Variants in AGAP1 observed in about 807,000 individuals in gnomAD.
The protein encoded by AGAP1 is ArfGAP with GTPase domain, ankyrin repeat and PH domain 1, also known as arf-GAP with GTPase, ANK repeat and PH domain-containing protein 1.
Under a neutral mutation model 105.3 loss-of-function variants are expected in AGAP1, and 29 were observed. The observed-to-expected ratio is 0.28, with a 90% CI of 0.21 to 0.38. The LOEUF (loss-of-function observed/expected upper bound fraction) is 0.38. Ranked by LOEUF, AGAP1 falls within the 10% of genes least tolerant of loss-of-function variation. The pLI is 1.00. For synonymous variants in AGAP1, 509 were observed against 485.9 expected (o/e 1.05, Z -0.63); for missense variants, 998 against 1,165.1 (o/e 0.86, Z 2.09).
At chr2:235,912,320 A>G (rs1285264049) in intron 11 of AGAP1, among the ~76,000 whole-genome samples, 1 of 152,210 alleles carries the variant, frequency 6.6e-6, no homozygotes, top group Non-Finnish European at 1.5e-5. Flanking sequence ...AGGAATTCCA[A>G]CACAGCAAAT....
chr2:235,699,395 A>T (rs1478463165), intron 1 of AGAP1, among the ~76,000 whole-genome samples: 1 of 95,700 alleles, frequency 1.0e-5, no homozygotes, highest in Non-Finnish European at 2.1e-5. Context: ...AGCAGGGGAA[A>T]TTGGGGCTGA....
intron 1 of AGAP1, among the ~76,000 whole-genome samples, chr2:235,638,736 A>G (rs1296246966): frequency 6.6e-6 from 1 of 152,204 alleles, no homozygotes; most frequent in African/African-American, 2.4e-5. Context: ...CTGGCTTGCC[A>G]GTGGAGAACA....
chr2:235,752,075 G>A lies in AGAP1; in HGVS notation c.673+1587G>A, dbSNP rs907184494. On this transcript the variant is annotated intron_variant, in intron 6 of 17. Coordinates refer to ENST00000304032, the MANE Select transcript of AGAP1 (RefSeq NM_001037131.3). The surrounding 1 kb of genome is among the most constrained non-coding windows in gnomAD (Gnocchi z 4.3). ...ACCCTAATGGAGCAAGGTCACTGTC[G>A]GCCGCTGCGCTGCCGAGGCCCCTGT... 9.2e-5 allele frequency among the ~76,000 whole-genome samples: 14 copies of A among 152,208 alleles called. No homozygotes were observed. Among genetic ancestry groups the A allele is most frequent in the Admixed American group, 6.5e-4 (10 of 15,288 alleles).
Position 235,663,942 on chromosome 2 carries a change from T to G in AGAP1, c.164-45237T>G, listed in dbSNP as rs1332264737. Among the ~76,000 whole-genome samples the G allele has an allele frequency of 6.6e-6, 1 of 152,152 alleles. No individual in the cohort carries two copies. The highest frequency in any genetic ancestry group is 1.5e-5 in the Non-Finnish European group (1 of 68,016). On this transcript the variant is annotated intron_variant, in intron 1 of 17. Coordinates refer to ENST00000304032, the MANE Select transcript of AGAP1 (RefSeq NM_001037131.3). The surrounding 1 kb of genome is among the most constrained non-coding windows in gnomAD (Gnocchi z 5.4). ...ATGTGTAGGGATTTCTTGGTTTTTC[T>G]GCACAAAAGCTCCAGGGCTGCTTTG... is the stretch of plus-strand genomic sequence containing the variant.
intron 9 of AGAP1, among the ~76,000 whole-genome samples, chr2:235,841,938 G>A (rs750647876): frequency 2.0e-5 from 3 of 152,132 alleles, no homozygotes; most frequent in Non-Finnish European, 2.9e-5. Flanking sequence ...TTCCCTACAC[G>A]CTCATTAGTG....
chr2:236,044,439 C>A lies in AGAP1; in HGVS notation c.1891+3598C>A, dbSNP rs1189821021. 6.6e-6 allele frequency among the ~76,000 whole-genome samples: 1 copy of A among 152,172 alleles called. No individual in the cohort carries two copies. ...ACCGTTTCTGCTGCTTTCTCTCTGC[C>A]CATCCATGTCGCCCATGAAGCCCTG... On this transcript the variant is annotated intron_variant, in intron 15 of 17. Transcript: ENST00000304032. The surrounding 1 kb of genome is among the most constrained non-coding windows in gnomAD (Gnocchi z 5.7).
intron 12 of AGAP1, among the ~76,000 whole-genome samples, chr2:235,950,222 G>C (rs75916793): frequency 0.023 from 3,546 of 152,268 alleles, 150 homozygotes; most frequent in African/African-American, 0.081. Context: ...CAGTCTCATG[G>C]CCAGAGTGCC....
intron 9 of AGAP1, among the ~76,000 whole-genome samples, chr2:235,860,314 G>A (rs1042449324): frequency 6.6e-6 from 1 of 152,046 alleles, no homozygotes; most frequent in African/African-American, 2.4e-5. Context: ...AGTGCGTTCG[G>A]TATTTCCTTT....
rs1949681926 is a variant in AGAP1, at chr2:235,690,353, G to C, written c.164-18826G>C. On this transcript the variant is annotated intron_variant, in intron 1 of 17. Coordinates refer to ENST00000304032, the MANE Select transcript of AGAP1 (RefSeq NM_001037131.3). The surrounding 1 kb of genome is among the most constrained non-coding windows in gnomAD (Gnocchi z 4.1). Reference sequence around the variant, plus strand: ...TGGGGCTGGGGAGGCCGTGCCCTGGGGGCAGGTGCAGGAGGGAGCCTGGCT... The same window carrying C: ...TGGGGCTGGGGAGGCCGTGCCCTGGCGGCAGGTGCAGGAGGGAGCCTGGCT... 6.6e-6 allele frequency among the ~76,000 whole-genome samples: 1 copy of C among 152,160 alleles called. No individual in the cohort carries two copies. Among genetic ancestry groups the C allele is most frequent in the African/African-American group, 2.4e-5 (1 of 41,430 alleles).
intron 16 of AGAP1, among the ~76,000 whole-genome samples, chr2:236,065,979 G>A (rs527933137): frequency 3.3e-5 from 5 of 152,288 alleles, no homozygotes; most frequent in Admixed American, 6.5e-5. Flanking sequence ...CACTGTGGTC[G>A]GCATGTGTCA....
intron 1 of AGAP1, among the ~76,000 whole-genome samples, chr2:235,681,355 C>T (rs774808602): frequency 3.3e-5 from 5 of 152,104 alleles, no homozygotes; most frequent in Non-Finnish European, 5.9e-5. Flanking sequence ...ACGCGCCTCC[C>T]GAGGAGGAAG....
chr2:235,606,518 T>A (rs1226886216), intron 1 of AGAP1, among the ~76,000 whole-genome samples: 7 of 152,130 alleles, frequency 4.6e-5, no homozygotes, highest in Admixed American at 4.6e-4. Context: ...AACCTTTTTT[T>A]AAAAAAGTGG....
At chr2:235,848,340 A>G in intron 9 of AGAP1, among the ~76,000 whole-genome samples, 1 of 152,216 alleles carries the variant, frequency 6.6e-6, no homozygotes. Flanking sequence ...CACACCCAGC[A>G]CAGTACCTGG....
intron 1 of AGAP1, among the ~76,000 whole-genome samples, chr2:235,652,581 A>G (rs1559316000): frequency 1.3e-5 from 2 of 152,192 alleles, no homozygotes; most frequent in Admixed American, 6.5e-5. Context: ...ACTCAAGGGT[A>G]GAGTTGAACA....
At position 235,930,994 on chromosome 2, in the gene AGAP1, A is replaced by G; in HGVS notation, c.1483+71A>G. 2.6e-6 allele frequency: 4 copies of G among 1,541,690 alleles called. No homozygotes were observed. The highest frequency in any genetic ancestry group is 3.5e-6 in the Non-Finnish European group (4 of 1,141,608). The stretch of plus-strand genomic sequence containing the variant: ...CTTCGTTGTAAGCCAGGGGCTGGAC[A>G]GGACGCCCTAAGCTCTCATGCTCCT... On this transcript the variant is annotated intron_variant, in intron 12 of 17. Transcript: ENST00000304032. The surrounding 1 kb of genome is among the most constrained non-coding windows in gnomAD (Gnocchi z 7.9).
At chr2:236,093,707 T>C (rs1166856559) in intron 16 of AGAP1, among the ~76,000 whole-genome samples, 2 of 152,094 alleles carry the variant, frequency 1.3e-5, no homozygotes, top group Admixed American at 1.3e-4. Context: ...GGACCACATA[T>C]CAGTGGCTGC....
At chr2:235,677,470 C>T (rs1046465848) in intron 1 of AGAP1, among the ~76,000 whole-genome samples, 1 of 152,098 alleles carries the variant, frequency 6.6e-6, no homozygotes, top group African/African-American at 2.4e-5. Flanking sequence ...CGGTTTCTTT[C>T]CTATACTGTC....
At position 235,957,709 on chromosome 2, in the gene AGAP1, ATC is replaced by A. The variant is rs1273529063; in HGVS notation, c.1484-10749_1484-10748del. Among the ~76,000 whole-genome samples, 1 of 152,184 alleles carries A rather than the reference ATC, an allele frequency of 6.6e-6. No individual in the cohort carries two copies. The highest frequency in any genetic ancestry group is 1.5e-5 in the Non-Finnish European group (1 of 68,034). ...CTGTTCTTTATTTACCGGCCTACAC[ATC>A]TCTGTAAGCTTCAGAAAGAACAGAG... On this transcript the variant is annotated intron_variant, in intron 12 of 17. Coordinates refer to ENST00000304032, the MANE Select transcript of AGAP1 (RefSeq NM_001037131.3). This position sits in a 1 kb window ranked among gnomAD's most constrained non-coding sequence, Gnocchi z 4.6.
chr2:235,566,732 A>T lies in AGAP1; in HGVS notation c.163+71883A>T, dbSNP rs1011988977. The T allele has an allele frequency of 2.0e-6, 1 of 509,018 alleles. No homozygotes were observed. The highest frequency in any genetic ancestry group is 2.5e-6 in the Non-Finnish European group (1 of 394,544). The allele number at this position is 509,018 out of a possible 1,614,324, so 31.5% of individuals were successfully genotyped here. On this transcript the variant is annotated intron_variant, in intron 1 of 17. Transcript: ENST00000304032. This position sits in a 1 kb window ranked among gnomAD's most constrained non-coding sequence, Gnocchi z 5.2. ...CAGGCAGGAAGTTGTTGGGGTTAAC[A>T]TGAGTGGACCCTAGATTTCCCTGCC... is the stretch of plus-strand genomic sequence containing the variant.
Sources: gnomAD v4.1 joint callset for allele counts (sites outside exome capture counted in the v4.1 genomes callset) on GRCh38, gnomAD v4.1.1 for gene constraint, Gnocchi (gnomAD v3.1) non-coding constraint, MANE v1.5 for transcripts, NCBI Gene and HGNC (gene_info 2026-07-23, HGNC 2026-07-21) for gene names.